Variants in FRMPD4 observed in about 807,000 individuals in gnomAD.
FRMPD4 encodes the protein FERM and PDZ domain-containing protein 4.
In FRMPD4, 22 loss-of-function variants were observed where a neutral mutation model predicts 94.1. That is an observed-to-expected ratio of 0.23 (90% CI 0.17 to 0.33). FRMPD4 has a LOEUF of 0.33. FRMPD4 is among the 10% of genes least tolerant of loss of function. The probability of loss-of-function intolerance (pLI) is 1.00; values close to 1 mark genes in which losing one functional copy is unlikely to be tolerated. For synonymous variants in FRMPD4, 631 were observed against 548.6 expected, an observed-to-expected ratio of 1.15 and a Z score of -2.10; for missense variants, 1,111 against 1,339.9, an observed-to-expected ratio of 0.83 and a Z score of 2.67.
At chrX:12,377,013 C>T (rs773371947) in intron 1 of FRMPD4, among the ~76,000 whole-genome samples, 1 of 112,120 alleles carries the variant, frequency 8.9e-6, no homozygotes, top group South Asian at 3.8e-4. Flanking sequence ...ATCTCACTCC[C>T]TGTAACAGAG....
At chrX:12,052,871 G>A (rs778404699) in intron 3 of FRMPD4, among the ~76,000 whole-genome samples, 4 of 111,716 alleles carry the variant, frequency 3.6e-5, no homozygotes, top group East Asian at 2.8e-4. Flanking sequence ...AAATATGGCC[G>A]TATTTAAGGC....
chrX:12,540,349 C>T (rs2058393261), intron 2 of FRMPD4, among the ~76,000 whole-genome samples: 1 of 111,610 alleles, frequency 9.0e-6, no homozygotes, highest in Non-Finnish European at 1.9e-5. Context: ...AGACCCATCT[C>T]ACATGCAGAG....
At chrX:12,047,833 T>A (rs1468724753) in intron 3 of FRMPD4, among the ~76,000 whole-genome samples, 1 of 112,533 alleles carries the variant, frequency 8.9e-6, no homozygotes. Context: ...TTTTTATTCT[T>A]TTTTATAGCT....
intron 3 of FRMPD4, among the ~76,000 whole-genome samples, chrX:11,973,633 C>A (rs1397413834): frequency 8.9e-6 from 1 of 111,934 alleles, no homozygotes; most frequent in Non-Finnish European, 1.9e-5. Context: ...TGGAAGAAGG[C>A]CTCTGTATGA....
At chrX:12,588,857 C>T (rs2058956670) in intron 2 of FRMPD4, among the ~76,000 whole-genome samples, 1 of 112,387 alleles carries the variant, frequency 8.9e-6, no homozygotes, top group Non-Finnish European at 1.9e-5. Context: ...CACACACATA[C>T]ATTTTTTTCT....
rs777827852 is a variant in FRMPD4, at chrX:12,706,917, T to C, written c.1287+2T>C. 1 of 947,176 alleles carries C rather than the reference T, an allele frequency of 1.1e-6. No homozygotes were observed. Among genetic ancestry groups the C allele is most frequent in the Non-Finnish European group, 1.5e-6 (1 of 683,840 alleles). The allele number at this position is 947,176 out of a possible 1,213,427, so 78.1% of individuals were successfully genotyped here. A position where few individuals can be genotyped will look rare whatever the true frequency, so the allele number is the denominator to read the frequency against. On this transcript the variant is annotated splice_donor_variant, in intron 12 of 16. Transcript: ENST00000675598. LOFTEE classifies it high-confidence loss of function. ...CGTGTGTTCAAGGCAACATTAGTGG[T>C]AATTTCTTTTTTTTTTTTTTTTTTG...
chrX:12,066,029 T>C (rs1459577990), intron 3 of FRMPD4, among the ~76,000 whole-genome samples: 1 of 112,333 alleles, frequency 8.9e-6, no homozygotes, highest in African/African-American at 3.2e-5. Flanking sequence ...AAATTTCATG[T>C]GTTTCAGAAA....
At chrX:12,713,926 A>C (rs1462726181) in intron 14 of FRMPD4, among the ~76,000 whole-genome samples, 1 of 111,969 alleles carries the variant, frequency 8.9e-6, no homozygotes, top group Non-Finnish European at 1.9e-5. Flanking sequence ...TATCTTGAAA[A>C]TTAGCCTTCA....
chrX:11,934,572 T>C (rs1017524405), intron 3 of FRMPD4, among the ~76,000 whole-genome samples: 2 of 112,349 alleles, frequency 1.8e-5, no homozygotes, highest in African/African-American at 6.5e-5. Flanking sequence ...AGTTTGTTTT[T>C]GCCAAATATA....
intron 3 of FRMPD4, among the ~76,000 whole-genome samples, chrX:11,942,198 A>G (rs1384442112): frequency 9.5e-6 from 1 of 105,641 alleles, no homozygotes; most frequent in Admixed American, 1.0e-4. Flanking sequence ...GGGGAATTTC[A>G]TAGGCAATTA....
chrX:12,642,471 G>A (rs1044832756), intron 4 of FRMPD4, among the ~76,000 whole-genome samples: 2 of 112,396 alleles, frequency 1.8e-5, no homozygotes, highest in African/African-American at 6.5e-5. Context: ...GGCCAGCCAA[G>A]GGGAAAGAGG....
At chrX:12,351,925 A>G (rs73632678) in intron 1 of FRMPD4, among the ~76,000 whole-genome samples, 1,816 of 112,527 alleles carry the variant, frequency 0.016, 33 homozygotes, top group African/African-American at 0.055. Context: ...GTCATTTCCA[A>G]TGATGACCTA....
intron 3 of FRMPD4, 85 bp from the exon 4 acceptor site, chrX:12,614,694 T>C: frequency 2.0e-6 from 1 of 510,917 alleles, no homozygotes; most frequent in Admixed American, 2.7e-5. Context: ...CACCATTTGC[T>C]CACAGTGAAT....
chrX:12,274,931 C>G (rs2054412186), intron 1 of FRMPD4, among the ~76,000 whole-genome samples: 1 of 111,981 alleles, frequency 8.9e-6, no homozygotes, highest in Non-Finnish European at 1.9e-5. Context: ...ATGGCGTGAA[C>G]CCGGGAGGCG....
chrX:12,610,024 G>A, intron 3 of FRMPD4, 143 bp downstream of exon 3: 1 of 529,668 alleles, frequency 1.9e-6, no homozygotes, highest in Non-Finnish European at 3.0e-6. Flanking sequence ...CTTCACCAGA[G>A]GAACAGAAAT....
chrX:11,904,921 G>A lies in FRMPD4; in HGVS notation c.95+26903G>A, dbSNP rs868667822. Among the ~76,000 whole-genome samples, 10 of 112,261 alleles carry A rather than the reference G, an allele frequency of 8.9e-5. No individual in the cohort carries two copies. The South Asian group carries it at 3.7e-3, about 42-fold the overall frequency. Reference sequence around the variant, plus strand: ...GTGGTTTTTAAAATTACTTTCTGTGGCAGACACAGTTGTTTGTATCCACAA... The same window carrying A: ...GTGGTTTTTAAAATTACTTTCTGTGACAGACACAGTTGTTTGTATCCACAA... On this transcript the variant is annotated intron_variant, in intron 3 of 18. Transcript: ENST00000640291.
intron 1 of FRMPD4, among the ~76,000 whole-genome samples, chrX:12,305,337 C>T (rs1179894563): frequency 9.0e-6 from 1 of 111,296 alleles, no homozygotes; most frequent in East Asian, 2.8e-4. Context: ...CCTCAAGCTT[C>T]CCCCACCACT....
intron 3 of FRMPD4, among the ~76,000 whole-genome samples, chrX:12,128,290 T>A (rs1490718362): frequency 8.9e-6 from 1 of 112,897 alleles, no homozygotes; most frequent in Non-Finnish European, 1.9e-5. Flanking sequence ...GTTTTTGACT[T>A]CTGTGTACCC....
intron 4 of FRMPD4, among the ~76,000 whole-genome samples, chrX:12,674,125 T>C (rs1276476204): frequency 1.8e-5 from 2 of 112,430 alleles, no homozygotes; most frequent in Non-Finnish European, 1.9e-5. Context: ...ATCCATAATA[T>C]GATTTTTCCT....
Sources: allele counts gnomAD v4.1 joint callset (sites outside exome capture counted in the v4.1 genomes callset), GRCh38; gene constraint gnomAD v4.1.1; transcripts MANE v1.5; gene names NCBI Gene and HGNC (gene_info 2026-07-23, HGNC 2026-07-21).